Variants in LRRC49 observed in about 807,000 individuals in gnomAD.
LRRC49 encodes the protein leucine-rich repeat-containing protein 49.
In LRRC49, 50 loss-of-function variants were observed where a neutral mutation model predicts 83.3. The ratio of observed to expected loss-of-function variants is 0.60; its 90% CI spans 0.48 to 0.76. The LOEUF is 0.76. Ranked by LOEUF, LRRC49 falls within the 30% of genes least tolerant of loss-of-function variation. LRRC49 has a pLI of 0.00. For missense variants in LRRC49, 704 were observed against 809.1 expected (o/e 0.87, Z 1.58); for synonymous variants, 286 against 283.3 (o/e 1.01, Z -0.10).
intron 14 of LRRC49, among the ~76,000 whole-genome samples, chr15:71,031,891 A>C (rs1280867891): frequency 6.6e-6 from 1 of 152,130 alleles, no homozygotes. Context: ...CTGTGCTGGC[A>C]GTGAGAATTT....
At chr15:70,895,378 T>G (rs1483932299) in intron 2 of LRRC49, among the ~76,000 whole-genome samples, 1 of 152,150 alleles carries the variant, frequency 6.6e-6, no homozygotes, top group African/African-American at 2.4e-5. Context: ...CAACAGCATT[T>G]TATTTATATT....
At chr15:70,916,385 C>T (rs2034773806) in intron 6 of LRRC49, among the ~76,000 whole-genome samples, 2 of 152,134 alleles carry the variant, frequency 1.3e-5, no homozygotes. Context: ...ACCTCTGCCT[C>T]CTGGGTTCAA....
intron 14 of LRRC49, among the ~76,000 whole-genome samples, chr15:71,022,138 T>G (rs954923379): frequency 1.3e-5 from 2 of 152,142 alleles, no homozygotes; most frequent in Non-Finnish European, 2.9e-5. Context: ...TTTGGGAGGC[T>G]GAGACAGGCA....
Position 70,901,038 on chromosome 15 carries a change from C to A in LRRC49, c.296+14C>A. The A allele has an allele frequency of 6.7e-7, 1 of 1,499,286 alleles. No homozygotes were observed. 92.9% of individuals were successfully genotyped at this position (1,499,286 alleles called of 1,614,324 possible). ...GAGCCTAGAAAGGTGAGGACAATTT[C>A]TTTTCTTTTCTTTTTTTTGACTAGG... On this transcript the variant is annotated intron_variant, in intron 4 of 15. Coordinates refer to ENST00000260382, the MANE Select transcript of LRRC49 (RefSeq NM_017691.5).
chr15:70,930,495 C>T (rs931720121), intron 7 of LRRC49, among the ~76,000 whole-genome samples: 2 of 152,174 alleles, frequency 1.3e-5, no homozygotes, highest in Non-Finnish European at 2.9e-5. Context: ...TTCACAATGG[C>T]AGAGGAGCAT....
intron 5 of LRRC49, among the ~76,000 whole-genome samples, chr15:70,910,349 A>T (rs2034499716): frequency 6.6e-6 from 1 of 152,208 alleles, no homozygotes; most frequent in African/African-American, 2.4e-5. Context: ...AATGATCAGT[A>T]TGTATGTATA....
intron 8 of LRRC49, among the ~76,000 whole-genome samples, chr15:70,945,519 C>G (rs918237336): frequency 1.1e-4 from 15 of 135,882 alleles, no homozygotes; most frequent in African/African-American, 2.2e-4. Context: ...ATTTAACAAC[C>G]TGTGTGTGTG....
intron 7 of LRRC49, among the ~76,000 whole-genome samples, chr15:70,934,671 A>C (rs527697300): frequency 2.6e-5 from 4 of 152,180 alleles, no homozygotes; most frequent in African/African-American, 9.6e-5. Flanking sequence ...TTATTGAAAA[A>C]AGTTATGTCT....
At position 70,963,734 on chromosome 15, in the gene LRRC49, G is replaced by C. The variant is rs752061517; in HGVS notation, c.774-51G>C. The stretch of plus-strand genomic sequence containing the variant: ...AAAATAAAGTCTATTAAAAATGAAA[G>C]TATTATCTTAAGGCCTCAGAATAAT... On this transcript the variant is annotated intron_variant, in intron 8 of 15. Transcript: ENST00000260382. The C allele has an allele frequency of 4.1e-5, 63 of 1,552,112 alleles. No homozygotes were observed. The Admixed American group carries it at 1.3e-3, about 31-fold the overall frequency.
At chr15:70,927,060 G>A (rs962142771) in intron 7 of LRRC49, among the ~76,000 whole-genome samples, 2 of 152,082 alleles carry the variant, frequency 1.3e-5, no homozygotes, top group African/African-American at 2.4e-5. Flanking sequence ...TTAGAATGGC[G>A]ATCATTAAAT....
rs776883940 is a variant in LRRC49, at chr15:71,037,221, A to T, written c.1746A>T (p.Lys582Asn). 6.2e-7 allele frequency: 1 copy of T among 1,611,022 alleles called. No homozygotes were observed. The highest frequency in any genetic ancestry group is 1.1e-5 in the South Asian group (1 of 90,708). The part of the protein sequence containing the change: ...FRYLLESKGK[K>N]PGIINEENND... ...ATCTACTAGAATCCAAAGGAAAAAAACCTGGTATTATCAACGAAGAAAATA... is the reference window on the plus strand; with the variant it reads ...ATCTACTAGAATCCAAAGGAAAAAATCCTGGTATTATCAACGAAGAAAATA... Residue 582 changes from lysine (K) to asparagine (N), a missense_variant, in exon 15 of 16, where the codon AAA (lysine) becomes AAT (asparagine). Physicochemically the swap from Lys to Asn is moderately conservative, Grantham distance 94. Coordinates refer to ENST00000260382, the MANE Select transcript of LRRC49 (RefSeq NM_017691.5).
upstream of LRRC49, among the ~76,000 whole-genome samples, chr15:70,890,617 C>T (rs2033529344): frequency 6.6e-6 from 1 of 152,192 alleles, no homozygotes; most frequent in African/African-American, 2.4e-5. Context: ...ACTGAAGTAT[C>T]TGTGCTATTG....
intron 2 of LRRC49, chr15:70,882,850 G>C: frequency 6.2e-7 from 1 of 1,614,154 alleles, no homozygotes; most frequent in Non-Finnish European, 8.5e-7. Context: ...TGAAGTGACA[G>C]TATTAGATGG....
intron 15 of LRRC49, among the ~76,000 whole-genome samples, chr15:71,040,819 C>CAA (rs57206118): frequency 0.024 from 2,380 of 98,596 alleles, 45 homozygotes; most frequent in Non-Finnish European, 0.034. Context: ...GACTCCGTCT[C>CAA]AAAAAAAAAA....
rs140493882 is a variant in LRRC49, at chr15:70,862,307, G to A, written c.-299+8838G>A. Among the ~76,000 whole-genome samples the A allele has an allele frequency of 4.4e-3, 665 of 152,216 alleles. 3 individuals are homozygous for A. The highest frequency in any genetic ancestry group is 0.014 in the African/African-American group (576 of 41,536). Reference sequence around the variant, plus strand: ...AAAAATTCTGAGGCTGGCCGGGCGCGGTGGCTCACGCCTGTAATCCCAGCA... The same window carrying A: ...AAAAATTCTGAGGCTGGCCGGGCGCAGTGGCTCACGCCTGTAATCCCAGCA... On this transcript the variant is annotated intron_variant, in intron 1 of 16. Transcript: ENST00000544974.
rs2036694388 is a variant in LRRC49 at position 70,963,775 on chromosome 15, T to C, written c.774-10T>C. ...TCAGAATAATCCAGTGGTTTCTGTC[T>C]CTCCTGCAGTTTTGACAGTGTTTCC... On this transcript the variant is annotated splice_polypyrimidine_tract_variant and intron_variant, in intron 8 of 15. Transcript: ENST00000260382. 1 of 1,611,190 alleles carries C rather than the reference T, an allele frequency of 6.2e-7. No homozygotes were observed. The highest frequency in any genetic ancestry group is 1.1e-5 in the South Asian group (1 of 90,508).
At chr15:70,981,891 CTTTTTT>C (rs11339326) in intron 10 of LRRC49, among the ~76,000 whole-genome samples, 2 of 112,082 alleles carry the variant, frequency 1.8e-5, no homozygotes, top group Non-Finnish European at 1.9e-5. Context: ...TTTGCTTCTT[CTTTTTT>C]TTTTTTTTTT....
At chr15:70,993,993 CCCA>C (rs1293132980) in intron 11 of LRRC49, among the ~76,000 whole-genome samples, 1 of 151,946 alleles carries the variant, frequency 6.6e-6, no homozygotes, top group Non-Finnish European at 1.5e-5. Flanking sequence ...TTTCCAGGTG[CCCA>C]CCACCACACC....
intron 1 of LRRC49, among the ~76,000 whole-genome samples, chr15:70,863,632 A>G (rs2032844555): frequency 1.3e-5 from 2 of 152,220 alleles, no homozygotes; most frequent in Admixed American, 1.3e-4. Flanking sequence ...CAGGCACCAC[A>G]AGCCTGACTC....
Sources: gnomAD v4.1 joint callset for allele counts (sites outside exome capture counted in the v4.1 genomes callset) on GRCh38, gnomAD v4.1.1 for gene constraint, MANE v1.5 for transcripts, NCBI Gene and HGNC (gene_info 2026-07-23, HGNC 2026-07-21) for gene names.